The following SLC1A2 variants were observed in gnomAD, a reference collection of about 807,000 sequenced individuals.
The protein encoded by SLC1A2 is excitatory amino acid transporter 2.
SLC1A2 carries 15 observed loss-of-function variants against 48.8 expected under a neutral mutation model. That is an observed-to-expected ratio of 0.31 (90% confidence interval 0.21 to 0.47). The LOEUF (loss-of-function observed/expected upper bound fraction) is 0.47. SLC1A2 is among the 20% of genes least tolerant of loss of function. The probability of loss-of-function intolerance (pLI) is 0.99; values close to 1 mark genes in which losing one functional copy is unlikely to be tolerated. For missense variants in SLC1A2, 502 were observed against 730.5 expected (o/e 0.69, Z 3.61); for synonymous variants, 279 against 272.6 (o/e 1.02, Z -0.23).
At chr11:35,270,396 C>A (rs1850248651) in intron 9 of SLC1A2, among the ~76,000 whole-genome samples, 1 of 152,140 alleles carries the variant, frequency 6.6e-6, no homozygotes, top group South Asian at 2.1e-4. Context: ...AGAAAATGTT[C>A]CTTTTCTTAC....
At chr11:35,302,640 G>A (rs1179329355) in intron 5 of SLC1A2, among the ~76,000 whole-genome samples, 2 of 151,854 alleles carry the variant, frequency 1.3e-5, no homozygotes, top group East Asian at 1.9e-4. Context: ...CTGAGATCCT[G>A]GGAATCTGCC....
chr11:35,270,544 GC>G (rs1021196849), intron 9 of SLC1A2, among the ~76,000 whole-genome samples: 26 of 152,332 alleles, frequency 1.7e-4, no homozygotes, highest in African/African-American at 6.3e-4. Context: ...TGCTTAGGCA[GC>G]AAAAATCCTT....
chr11:35,355,857 C>T (rs1853440608), intron 1 of SLC1A2, among the ~76,000 whole-genome samples: 1 of 148,872 alleles, frequency 6.7e-6, no homozygotes, highest in Non-Finnish European at 1.5e-5. Context: ...TGCACTCCAA[C>T]CTAGGCAACA....
At chr11:35,404,929 G>A (rs541074451) in intron 1 of SLC1A2, among the ~76,000 whole-genome samples, 1 of 152,334 alleles carries the variant, frequency 6.6e-6, no homozygotes, top group African/African-American at 2.4e-5. Flanking sequence ...AGCAGTTTGA[G>A]TGCCCTGGCT....
intron 1 of SLC1A2, among the ~76,000 whole-genome samples, chr11:35,393,922 C>G (rs1278068689): frequency 1.3e-4 from 20 of 152,178 alleles, no homozygotes; most frequent in Admixed American, 1.3e-3. Context: ...TGGCTTTCTG[C>G]TGGTGAGAAT....
At chr11:35,374,168 A>T (rs1196773886) in intron 1 of SLC1A2, 1 of 351,514 alleles carries the variant, frequency 2.8e-6, no homozygotes, top group Middle Eastern at 4.0e-4. Context: ...CTGCTCTGGG[A>T]TGCCTAGGTG....
intron 7 of SLC1A2, among the ~76,000 whole-genome samples, chr11:35,287,466 A>AT (rs758804900): frequency 1.1e-4 from 16 of 152,328 alleles, no homozygotes; most frequent in Non-Finnish European, 1.6e-4. Context: ...GCTAATTTCC[A>AT]TAACAACAAA....
intron 8 of SLC1A2, among the ~76,000 whole-genome samples, chr11:35,283,568 G>A (rs1025735571): frequency 6.6e-6 from 1 of 151,108 alleles, no homozygotes; most frequent in African/African-American, 2.4e-5. Flanking sequence ...TAGAATTTAA[G>A]CACAAATTCA....
intron 9 of SLC1A2, among the ~76,000 whole-genome samples, chr11:35,276,706 A>G (rs1332928932): frequency 3.9e-5 from 6 of 152,200 alleles, no homozygotes; most frequent in African/African-American, 1.4e-4. Flanking sequence ...ACAATGGCAG[A>G]CCCACTGGGG....
At chr11:35,270,380 T>C (rs1312610203) in intron 9 of SLC1A2, among the ~76,000 whole-genome samples, 1 of 152,212 alleles carries the variant, frequency 6.6e-6, no homozygotes, top group Non-Finnish European at 1.5e-5. Context: ...CAGGCATACA[T>C]GAGCAAGAAA....
At chr11:35,321,025 G>A (rs1852045666) in intron 1 of SLC1A2, among the ~76,000 whole-genome samples, 1 of 152,170 alleles carries the variant, frequency 6.6e-6, no homozygotes, top group Non-Finnish European at 1.5e-5. Flanking sequence ...CATGGCTTGG[G>A]AAGCCTCAGG....
In SLC1A2 at chr11:35,264,059, G is replaced by A. The variant is rs115990393; in HGVS notation, c.1653+1468C>T. 387 of 152,302 alleles carry A rather than the reference G, an allele frequency of 2.5e-3. 5 individuals are homozygous for A. The highest frequency in any genetic ancestry group is 9.0e-3 in the African/African-American group (374 of 41,564). 9.4% of individuals were successfully genotyped at this position (152,302 alleles called of 1,614,324 possible). On this transcript the variant is annotated intron_variant, in intron 10 of 10. Coordinates refer to ENST00000278379, the MANE Select transcript of SLC1A2 (RefSeq NM_004171.4). ...CATGAGAATGCATCATGTCCTCTAGGTACATCTGAATTTCTAATAATTTGA... is the reference window on the plus strand; with the variant it reads ...CATGAGAATGCATCATGTCCTCTAGATACATCTGAATTTCTAATAATTTGA...
chr11:35,358,164 G>A (rs920307966), intron 1 of SLC1A2, among the ~76,000 whole-genome samples: 2 of 151,998 alleles, frequency 1.3e-5, no homozygotes, highest in Non-Finnish European at 2.9e-5. Context: ...GGGAGGTGGG[G>A]GAAGCCTAGA....
chr11:35,312,282 A>T lies in SLC1A2; in HGVS notation c.477T>A (p.Asn159Lys). ...AGGCATCCAGGCTGGACACTTCATCATTCTTCTTCCCAGGCCCCAGCTGCT... is the reference window on the plus strand; with the variant it reads ...AGGCATCCAGGCTGGACACTTCATCTTTCTTCTTCCCAGGCCCCAGCTGCT... ...LKKQLGPGKK[N>K]DEVSSLDAFL... The change falls in exon 4 of 11, where the codon AAT becomes AAA. Residue 159 changes from asparagine (N) to lysine (K), a missense_variant. By Grantham distance (94) the Asn-to-Lys change is moderately conservative. This residue lies in a region of SLC1A2 where 309 missense variants were observed against 480.3 expected (regional missense o/e 0.64). Coordinates refer to ENST00000278379, the MANE Select transcript of SLC1A2 (RefSeq NM_004171.4). 6.2e-7 allele frequency: 1 copy of T among 1,614,148 alleles called. No individual in the cohort carries two copies. The highest frequency in any genetic ancestry group is 8.5e-7 in the Non-Finnish European group (1 of 1,179,998).
chr11:35,286,699 T>A, intron 8 of SLC1A2, 58 bp downstream of exon 8: 1 of 1,290,060 alleles, frequency 7.8e-7, no homozygotes. Context: ...TCACATGGAG[T>A]TAGTGTGGAG....
chr11:35,404,092 G>A (rs1363559851), intron 1 of SLC1A2, among the ~76,000 whole-genome samples: 1 of 149,770 alleles, frequency 6.7e-6, no homozygotes, highest in African/African-American at 2.5e-5. Flanking sequence ...TGGGTTAAAA[G>A]CTAGACTTTG....
chr11:35,275,389 T>C (rs1170503578), intron 9 of SLC1A2, among the ~76,000 whole-genome samples: 1 of 152,248 alleles, frequency 6.6e-6, no homozygotes, highest in African/African-American at 2.4e-5. Context: ...CTTCCTGGTA[T>C]TGGCTCCCAT....
intron 1 of SLC1A2, among the ~76,000 whole-genome samples, chr11:35,345,158 C>T (rs1852982690): frequency 6.6e-6 from 1 of 152,184 alleles, no homozygotes; most frequent in Non-Finnish European, 1.5e-5. Flanking sequence ...CTGTTTCATG[C>T]CAGTATCACA....
At chr11:35,328,133 G>A (rs1421746427) in intron 1 of SLC1A2, among the ~76,000 whole-genome samples, 2 of 152,164 alleles carry the variant, frequency 1.3e-5, no homozygotes, top group African/African-American at 2.4e-5. Flanking sequence ...CATGGCCCCA[G>A]ATGTACCATC....
Sources: allele counts gnomAD v4.1 joint callset (sites outside exome capture counted in the v4.1 genomes callset), GRCh38; gene constraint gnomAD v4.1.1; regional missense constraint gnomAD v4.1.1; transcripts MANE v1.5; gene names NCBI Gene and HGNC (gene_info 2026-07-23, HGNC 2026-07-21).